GNB5: variants seen among roughly 807,000 people sequenced by gnomAD.
GNB5 encodes the protein G protein subunit beta 5, also known as guanine nucleotide-binding protein subunit beta-5.
Under a neutral mutation model 55.3 loss-of-function variants are expected in GNB5, and 37 were observed. That is an observed-to-expected ratio of 0.67 (90% CI 0.51 to 0.88). The LOEUF is 0.88. GNB5 is among the 40% of genes least tolerant of loss of function. The pLI is 0.00. For synonymous variants in GNB5, 219 were observed against 198.5 expected, an observed-to-expected ratio of 1.10 and a Z score of -0.87; for missense variants, 476 against 515.3, an observed-to-expected ratio of 0.92 and a Z score of 0.74.
intron 3 of GNB5, among the ~76,000 whole-genome samples, chr15:52,164,390 G>A (rs528548496): frequency 7.5e-4 from 114 of 151,280 alleles, no homozygotes; most frequent in African/African-American, 2.4e-3. Context: ...AGGCCGAGGC[G>A]GGCGGATCAC....
chr15:52,126,087 G>A, intron 10 of GNB5, 43 bp from the exon 11 acceptor site: 3 of 934,298 alleles, frequency 3.2e-6, no homozygotes, highest in Admixed American at 3.9e-5. Flanking sequence ...TCTGGCTTCA[G>A]TTTGGTGACG....
In GNB5 at chr15:52,115,912, C is replaced by T. The variant is rs1292169341; in HGVS notation, c.*6845G>A. 6.6e-6 allele frequency: 1 copy of T among 152,214 alleles called. No individual in the cohort carries two copies. 9.4% of individuals were successfully genotyped at this position (152,214 alleles called of 1,614,324 possible). On this transcript the variant is annotated 3_prime_UTR_variant, in exon 13 of 13. Transcript: ENST00000261837. ...TTTGCTTATTAGGACCTTTCATATA[C>T]ATGGAATCCTACAACATGTGGCTCT...
At chr15:52,158,648 C>T (rs1022719139) in intron 3 of GNB5, among the ~76,000 whole-genome samples, 2 of 145,384 alleles carry the variant, frequency 1.4e-5, no homozygotes, top group African/African-American at 5.0e-5. Flanking sequence ...GCTCACCAAC[C>T]TTTTTTTTTT....
intron 12 of GNB5, among the ~76,000 whole-genome samples, 196 bp from the exon 13 acceptor site, chr15:52,122,964 A>ACTC (rs537021696): frequency 1.1e-3 from 155 of 143,282 alleles, no homozygotes; most frequent in African/African-American, 4.3e-3. Context: ...ATAACACTGT[A>ACTC]CTCCTAGCAA....
Position 52,119,132 on chromosome 15 carries a change from G to A in GNB5, c.*3625C>T, listed in dbSNP as rs930692305. 3 of 143,710 alleles carry A rather than the reference G, an allele frequency of 2.1e-5. No individual in the cohort carries two copies. The highest frequency in any genetic ancestry group is 4.5e-5 in the Non-Finnish European group (3 of 66,134). The allele number at this position is 143,710 out of a possible 1,614,324, so 8.9% of individuals were successfully genotyped here. ...GAGAAACAGCAGAAGGGGAAGGAAG[G>A]AGACCAGGAGAGAGGTGGAACAGGG... On this transcript the variant is annotated 3_prime_UTR_variant, in exon 13 of 13. Transcript: ENST00000261837.
chr15:52,123,199 A>G (rs918606360), intron 12 of GNB5, among the ~76,000 whole-genome samples: 1 of 152,168 alleles, frequency 6.6e-6, no homozygotes, highest in African/African-American at 2.4e-5. Context: ...GAATTTTGCA[A>G]AAATCCTTTT....
intron 1 of GNB5, among the ~76,000 whole-genome samples, chr15:52,186,004 C>T (rs934648021): frequency 8.5e-5 from 13 of 152,106 alleles, no homozygotes; most frequent in African/African-American, 3.1e-4. Flanking sequence ...GTCTCAAACT[C>T]CTGACCTCAA....
At chr15:52,177,621 A>G (rs2034676950) in intron 3 of GNB5, among the ~76,000 whole-genome samples, 1 of 151,212 alleles carries the variant, frequency 6.6e-6, no homozygotes, top group Admixed American at 6.6e-5. Flanking sequence ...ATTGTACTCC[A>G]GCCTGGGTGA....
At chr15:52,185,985 G>A (rs2034841114) in intron 1 of GNB5, among the ~76,000 whole-genome samples, 1 of 152,036 alleles carries the variant, frequency 6.6e-6, no homozygotes, top group South Asian at 2.1e-4. Flanking sequence ...CACCATGTTG[G>A]CCAGGCTGGT....
intron 9 of GNB5, among the ~76,000 whole-genome samples, chr15:52,130,824 C>T (rs2033554783): frequency 6.6e-6 from 1 of 152,086 alleles, no homozygotes. Flanking sequence ...AGAGAGTGTG[C>T]ATTTTATTTT....
rs202107571 is a variant in GNB5 at position 52,186,817 on chromosome 15, T to G, written c.-18-2123A>C. On this transcript the variant is annotated intron_variant, in intron 1 of 12. Coordinates refer to ENST00000261837, the MANE Select transcript of GNB5 (RefSeq NM_016194.4). ...GGAGCCCACCCTGGGGCTGGAGAGA[T>G]AATGGGGGCTCATGAGTTGGGCTGA... is the stretch of plus-strand genomic sequence containing the variant. 7.2e-5 allele frequency among the ~76,000 whole-genome samples: 11 copies of G among 152,144 alleles called. 1 individual carries two copies. In the East Asian group the frequency reaches 2.1e-3, roughly 29 times the overall value.
Position 52,119,799 on chromosome 15 carries a change from G to A in GNB5, c.*2958C>T, listed in dbSNP as rs1448689654. 6.6e-6 allele frequency: 1 copy of A among 152,192 alleles called. No homozygotes were observed. The highest frequency in any genetic ancestry group is 1.5e-5 in the Non-Finnish European group (1 of 68,084). 9.4% of individuals were successfully genotyped at this position (152,192 alleles called of 1,614,324 possible). On this transcript the variant is annotated 3_prime_UTR_variant, in exon 13 of 13. Coordinates refer to ENST00000261837, the MANE Select transcript of GNB5 (RefSeq NM_016194.4). ...CAAGGCATCCCTCTAACTCACAGAG[G>A]AGTCCCAGTATCGGTGGTGCCACCT... is the stretch of plus-strand genomic sequence containing the variant.
intron 3 of GNB5, among the ~76,000 whole-genome samples, chr15:52,174,132 G>A (rs2034603680): frequency 6.6e-6 from 1 of 152,202 alleles, no homozygotes; most frequent in Non-Finnish European, 1.5e-5. Context: ...TCAGAATCAC[G>A]TGAGCCTTGG....
At chr15:52,178,797 T>C (rs1014453953) in intron 3 of GNB5, among the ~76,000 whole-genome samples, 1 of 152,124 alleles carries the variant, frequency 6.6e-6, no homozygotes, top group Non-Finnish European at 1.5e-5. Context: ...ACGAACCCCA[T>C]TTTTCCATTC....
At position 52,150,210 on chromosome 15, in the gene GNB5, A is replaced by G. The variant is rs542865621; in HGVS notation, c.376-285T>C. Among the ~76,000 whole-genome samples the G allele has an allele frequency of 2.0e-5, 3 of 152,326 alleles. No individual in the cohort carries two copies. The East Asian group carries it at 5.8e-4, about 29-fold the overall frequency. On this transcript the variant is annotated intron_variant, in intron 4 of 12. Coordinates refer to ENST00000261837, the MANE Select transcript of GNB5 (RefSeq NM_016194.4). ...AGACACTTCTTTCATACCATTTGCA[A>G]ACCACGCACAAATTGTTGGTACACT...
chr15:52,170,169 G>C (rs1408110694), intron 3 of GNB5, among the ~76,000 whole-genome samples: 2 of 152,196 alleles, frequency 1.3e-5, no homozygotes, highest in Non-Finnish European at 2.9e-5. Context: ...ATTCCTCAAA[G>C]ATCTAGAAGC....
At chr15:52,158,211 G>C (rs537207344) in intron 3 of GNB5, among the ~76,000 whole-genome samples, 3 of 152,228 alleles carry the variant, frequency 2.0e-5, no homozygotes, top group African/African-American at 7.2e-5. Flanking sequence ...TTGGGTCAAA[G>C]CCTGGCTCTG....
intron 7 of GNB5, chr15:52,138,561 A>G (rs912813892): frequency 1.4e-4 from 21 of 152,260 alleles, no homozygotes; most frequent in African/African-American, 5.1e-4. Context: ...TTAAGCTAGC[A>G]AAGTAGCTTA....
rs532082238 is a variant in GNB5, at chr15:52,174,360, T to A, written c.238+5408A>T. 2.0e-5 allele frequency among the ~76,000 whole-genome samples: 3 copies of A among 152,294 alleles called. No homozygotes were observed. The East Asian group carries it at 5.8e-4, about 29-fold the overall frequency. Reference sequence around the variant, plus strand: ...ACACTGTAACCATATGATTCTAAAATGCCTTGGAATCAAGCGAGGTAGTAC... The same window carrying A: ...ACACTGTAACCATATGATTCTAAAAAGCCTTGGAATCAAGCGAGGTAGTAC... On this transcript the variant is annotated intron_variant, in intron 3 of 12. Transcript: ENST00000261837.
Sources: gnomAD v4.1 joint callset for allele counts (sites outside exome capture counted in the v4.1 genomes callset) on GRCh38, gnomAD v4.1.1 for gene constraint, MANE v1.5 for transcripts, NCBI Gene and HGNC (gene_info 2026-07-23, HGNC 2026-07-21) for gene names.